NDEL1: variants seen among roughly 807,000 people sequenced by gnomAD.
NDEL1 encodes nuclear distribution protein nudE-like 1.
In NDEL1, 9 loss-of-function variants were observed where a neutral mutation model predicts 45.7. That is an observed-to-expected ratio of 0.20 (90% CI 0.12 to 0.34). NDEL1 has a LOEUF of 0.34. Among genes scored for constraint, NDEL1 ranks in the 10% least tolerant of loss-of-function variants. The pLI is 1.00. For missense variants in NDEL1, 306 were observed against 406.2 expected, an observed-to-expected ratio of 0.75 and a Z score of 2.12; for synonymous variants, 133 against 158.6, an observed-to-expected ratio of 0.84 and a Z score of 1.21.
At chr17:8,472,161 G>T (rs890021801), downstream of NDEL1, among the ~76,000 whole-genome samples, 1 of 152,174 alleles carries the variant, frequency 6.6e-6, no homozygotes, top group Non-Finnish European at 1.5e-5. Context: ...CAGCAGCACC[G>T]GCCTCTGGGG....
rs559214533 is a variant in NDEL1, at chr17:8,428,863, C to T, written c.-12-15397C>T. On this transcript the variant is annotated intron_variant, in intron 1 of 4. Transcript: ENST00000582812. ...TAATTTTTTGTATTTTTAGTAGAGA[C>T]GGGGTTTCACCGTGTTAGCCAAGAT... 1.8e-3 allele frequency among the ~76,000 whole-genome samples: 266 copies of T among 150,738 alleles called. No homozygotes were observed. In the Middle Eastern group the frequency reaches 0.028, roughly 16 times the overall value.
rs552069842 is a variant in NDEL1 at position 8,415,634 on chromosome 17, C to T, written c.-13+2365C>T. On this transcript the variant is annotated intron_variant, in intron 1 of 4. Transcript: ENST00000582812. ...TATTTTTTGTAGAGACAGGGCTTCA[C>T]CATGTTGCCTAGGCTGTTCTGGAAC... 2.6e-5 allele frequency among the ~76,000 whole-genome samples: 4 copies of T among 152,068 alleles called. No individual in the cohort carries two copies. In the South Asian group the frequency reaches 6.2e-4, roughly 24 times the overall value.
At chr17:8,427,079 T>TG (rs1178266459) in intron 1 of NDEL1, among the ~76,000 whole-genome samples, 1 of 152,182 alleles carries the variant, frequency 6.6e-6, no homozygotes, top group East Asian at 1.9e-4. Context: ...GAAGGGGGCT[T>TG]GGAACCTAAG....
intron 1 of NDEL1, among the ~76,000 whole-genome samples, chr17:8,440,429 G>T (rs931846373): frequency 6.6e-6 from 1 of 151,676 alleles, no homozygotes; most frequent in Non-Finnish European, 1.5e-5. Flanking sequence ...CAAGAGAATT[G>T]CTTGAACCTG....
At chr17:8,466,735 C>T in intron 8 of NDEL1, 195 bp from the exon 9 acceptor site, 1 of 597,926 alleles carries the variant, frequency 1.7e-6, no homozygotes, top group Non-Finnish European at 3.0e-6. Context: ...TCCTGGTTCC[C>T]CAGGATTCCC....
chr17:8,442,305 C>T (rs1259511791), intron 1 of NDEL1, among the ~76,000 whole-genome samples: 2 of 152,114 alleles, frequency 1.3e-5, no homozygotes, highest in Admixed American at 6.5e-5. Context: ...GTAAACTACC[C>T]GCACATCTTT....
Position 8,450,776 on chromosome 17 carries a change from A to G in NDEL1, c.527-4A>G. 1 of 1,602,016 alleles carries G rather than the reference A, an allele frequency of 6.2e-7. No individual in the cohort carries two copies. The highest frequency in any genetic ancestry group is 8.5e-7 in the Non-Finnish European group (1 of 1,175,852). On this transcript the variant is annotated splice_region_variant and splice_polypyrimidine_tract_variant and intron_variant, in intron 5 of 8. Transcript: ENST00000334527. ...TTCCTGCCCTTGTTTGCAATATTTT[A>G]CAGATTTAAGGCAAGAACTAGCAGT... is the stretch of plus-strand genomic sequence containing the variant.
chr17:8,456,687 C>T (rs576178088), intron 7 of NDEL1, among the ~76,000 whole-genome samples: 11 of 152,070 alleles, frequency 7.2e-5, no homozygotes, highest in African/African-American at 2.4e-4. Flanking sequence ...TTAGTAGAGA[C>T]GGGGTTTCAC....
At chr17:8,438,317 G>A (rs1909491623) in intron 1 of NDEL1, among the ~76,000 whole-genome samples, 1 of 152,118 alleles carries the variant, frequency 6.6e-6, no homozygotes, top group Non-Finnish European at 1.5e-5. Flanking sequence ...TACCATTAGA[G>A]CATTGTTTTA....
intron 6 of NDEL1, among the ~76,000 whole-genome samples, chr17:8,452,545 C>A (rs1910573174): frequency 1.3e-5 from 2 of 152,114 alleles, no homozygotes; most frequent in South Asian, 4.1e-4. Context: ...ACTGCAATTT[C>A]ATTACAAGAA....
chr17:8,424,694 T>C (rs1279083545), intron 1 of NDEL1, among the ~76,000 whole-genome samples: 5 of 152,106 alleles, frequency 3.3e-5, no homozygotes, highest in African/African-American at 4.8e-5. Context: ...TTAGTAGAGA[T>C]GGGGTTTCAC....
intron 8 of NDEL1, chr17:8,461,453 C>G (rs1382874280): frequency 6.6e-6 from 1 of 152,204 alleles, no homozygotes; most frequent in Non-Finnish European, 1.5e-5. Flanking sequence ...GGGTCTCACT[C>G]TGTTGCCTAG....
chr17:8,464,731 A>T (rs1043660248), intron 8 of NDEL1: 3 of 152,402 alleles, frequency 2.0e-5, no homozygotes, highest in African/African-American at 7.2e-5. Flanking sequence ...GCCTCTGACC[A>T]GGAGGAGACT....
chr17:8,457,832 C>T (rs1329689504), intron 7 of NDEL1, among the ~76,000 whole-genome samples: 1 of 151,438 alleles, frequency 6.6e-6, no homozygotes, highest in African/African-American at 2.4e-5. Context: ...GTATTTCAGC[C>T]TTTTACTATA....
Position 8,446,895 on chromosome 17 carries a change from G to A in NDEL1, c.382G>A (p.Ala128Thr). 6.2e-7 allele frequency: 1 copy of A among 1,613,822 alleles called. No individual in the cohort carries two copies. Among genetic ancestry groups the A allele is most frequent in the Non-Finnish European group, 8.5e-7 (1 of 1,179,842 alleles). ...LEQANDDLER[A>T]KRATIVSLED... The stretch of plus-strand genomic sequence containing the variant: ...GCAGGCCAACGACGACCTGGAGCGA[G>A]CCAAAAGGTAAACGAATGACTGCAT... The change falls in exon 4 of 9, where the codon GCC becomes ACC. Residue 128 changes from alanine to threonine, a missense_variant. Transcript: ENST00000334527.
chr17:8,466,788 A>G (rs1911623668), intron 8 of NDEL1, 142 bp from the exon 9 acceptor site: 2 of 741,518 alleles, frequency 2.7e-6, no homozygotes, highest in Non-Finnish European at 4.4e-6. Context: ...CCAGGCAGCC[A>G]GTGCCCCTTG....
intron 5 of NDEL1, among the ~76,000 whole-genome samples, chr17:8,449,487 A>C (rs1217698584): frequency 2.0e-5 from 3 of 152,182 alleles, no homozygotes; most frequent in African/African-American, 4.8e-5. Flanking sequence ...ATTGTTGTGT[A>C]AACAAATTTT....
chr17:8,458,760 T>G (rs1446159162), intron 7 of NDEL1, among the ~76,000 whole-genome samples: 2 of 152,168 alleles, frequency 1.3e-5, no homozygotes, highest in Non-Finnish European at 2.9e-5. Context: ...AGAGTCTCAC[T>G]CTGTCGCCCA....
At chr17:8,446,054 C>T in intron 3 of NDEL1, 190 bp downstream of exon 3, 1 of 437,152 alleles carries the variant, frequency 2.3e-6, no homozygotes, top group East Asian at 4.0e-5. Context: ...TAGGAGTTCA[C>T]TTAGAAACTT....
Sources: gnomAD v4.1 joint callset for allele counts (sites outside exome capture counted in the v4.1 genomes callset) on GRCh38, gnomAD v4.1.1 for gene constraint, MANE v1.5 for transcripts, NCBI Gene and HGNC (gene_info 2026-07-23, HGNC 2026-07-21) for gene names.